Variants in DUSP5 observed in about 807,000 individuals in gnomAD.
The protein encoded by DUSP5 is dual specificity phosphatase 5, also known as dual specificity protein phosphatase 5.
A neutral mutation model predicts 33.6 loss-of-function variants in DUSP5; 22 were observed. The ratio of observed to expected loss-of-function variants is 0.66; its 90% CI spans 0.47 to 0.94. DUSP5 has a LOEUF of 0.94. Among genes scored for constraint, DUSP5 ranks in the 40% least tolerant of loss-of-function variants. The pLI, the probability that DUSP5 is intolerant of heterozygous loss-of-function variation, is 0.00. For synonymous variants in DUSP5, 270 were observed against 231.1 expected (o/e 1.17, Z -1.53); for missense variants, 551 against 522.1 (o/e 1.06, Z -0.54).
chr10:110,510,917 A>C lies in DUSP5; in HGVS notation c.*491A>C, dbSNP rs1042606. ...CTGATCACCGTCTAGTTGGGAAAGT[A>C]ACCCTACAGGGTTTGTAGGGACATG... On this transcript the variant is annotated 3_prime_UTR_variant, in exon 4 of 4. Transcript: ENST00000369583. The C allele has an allele frequency of 0.64, 98,558 of 154,428 alleles. 31,843 individuals carry two copies. The highest frequency in any genetic ancestry group is 0.74 in the South Asian group (3,632 of 4,902). 9.6% of individuals were successfully genotyped at this position (154,428 alleles called of 1,614,324 possible).
At chr10:110,503,777 C>T (rs915240515) in intron 2 of DUSP5, among the ~76,000 whole-genome samples, 1 of 152,240 alleles carries the variant, frequency 6.6e-6, no homozygotes, top group African/African-American at 2.4e-5. Context: ...ATTTCAGGAC[C>T]TTGTTCTGTT....
chr10:110,504,858 A>G (rs112052677), intron 2 of DUSP5, among the ~76,000 whole-genome samples: 1,672 of 152,328 alleles, frequency 0.011, 39 homozygotes, highest in African/African-American at 0.038. Flanking sequence ...CACCTTACCA[A>G]TTATCCAGAG....
Position 110,498,243 on chromosome 10 carries a change from G to A in DUSP5, c.122G>A (p.Gly41Asp), listed in dbSNP as rs1333273484. 1 of 1,505,734 alleles carries A rather than the reference G, an allele frequency of 6.6e-7. No homozygotes were observed. Among genetic ancestry groups the A allele is most frequent in the Non-Finnish European group, 8.9e-7 (1 of 1,125,854 alleles). The allele number at this position is 1,505,734 out of a possible 1,614,324, so 93.3% of individuals were successfully genotyped here. The part of the protein sequence containing the change: ...YLAFAASNVR[G>D]SLNVNLNSVV... ...GCCTTCGCTGCCTCGAACGTGCGCG[G>A]CTCGCTCAACGTCAACCTCAACTCG... Residue 41 changes from glycine to aspartate, a missense_variant, in exon 1 of 4, where the codon GGC (glycine) becomes GAC (aspartate). Transcript: ENST00000369583.
chr10:110,502,694 G>C, intron 1 of DUSP5, 27 bp from the exon 2 acceptor site: 1 of 1,609,624 alleles, frequency 6.2e-7, no homozygotes, highest in South Asian at 1.1e-5. Flanking sequence ...CTTACCATCT[G>C]TCTCACCTTT....
intron 2 of DUSP5, among the ~76,000 whole-genome samples, chr10:110,506,414 G>A (rs917255618): frequency 6.6e-6 from 1 of 152,216 alleles, no homozygotes; most frequent in Admixed American, 6.5e-5. Flanking sequence ...CCTGGGTGAC[G>A]GAGCAAGACT....
chr10:110,504,855 C>G (rs1480843143), intron 2 of DUSP5, among the ~76,000 whole-genome samples: 1 of 152,208 alleles, frequency 6.6e-6, no homozygotes, highest in Non-Finnish European at 1.5e-5. Flanking sequence ...TTACACCTTA[C>G]CAATTATCCA....
chr10:110,501,502 C>T (rs1860048341), intron 1 of DUSP5, among the ~76,000 whole-genome samples: 1 of 152,056 alleles, frequency 6.6e-6, no homozygotes, highest in South Asian at 2.1e-4. Context: ...TGGAGACTGC[C>T]TTGTAATCCA....
intron 2 of DUSP5, among the ~76,000 whole-genome samples, chr10:110,504,489 C>T (rs1860095208): frequency 6.6e-6 from 1 of 152,216 alleles, no homozygotes; most frequent in Non-Finnish European, 1.5e-5. Flanking sequence ...AATTTCCAGG[C>T]ACTCAGGAGA....
intron 3 of DUSP5, among the ~76,000 whole-genome samples, chr10:110,509,223 G>A (rs1248706062): frequency 6.6e-6 from 1 of 152,222 alleles, no homozygotes; most frequent in East Asian, 1.9e-4. Context: ...AGGTAGAACA[G>A]GAAGGGAGGC....
chr10:110,502,962 C>G, intron 2 of DUSP5, 93 bp downstream of exon 2: 1 of 1,513,786 alleles, frequency 6.6e-7, no homozygotes, highest in Non-Finnish European at 9.0e-7. Context: ...TCTCCCCACT[C>G]AGCAATGATG....
At position 110,509,945 on chromosome 10, in the gene DUSP5, G is replaced by A. The variant is rs1387404500; in HGVS notation, c.749-75G>A. The A allele has an allele frequency of 3.3e-6, 5 of 1,515,382 alleles. No individual in the cohort carries two copies. The East Asian group carries it at 9.1e-5, about 27-fold the overall frequency. The allele number at this position is 1,515,382 out of a possible 1,614,324, so 93.9% of individuals were successfully genotyped here. The stretch of plus-strand genomic sequence containing the variant: ...AGTTTCATATCTAGGTTACTCCAGT[G>A]TTTGATTCTTGTGTTTTGCCATTGC... On this transcript the variant is annotated intron_variant, in intron 3 of 3. Coordinates refer to ENST00000369583, the MANE Select transcript of DUSP5 (RefSeq NM_004419.4).
Position 110,507,053 on chromosome 10 carries a change from C to G in DUSP5, c.647C>G (p.Ser216Cys). 3 of 1,614,244 alleles carry G rather than the reference C, an allele frequency of 1.9e-6. No individual in the cohort carries two copies. Among genetic ancestry groups the G allele is most frequent in the Non-Finnish European group, 2.5e-6 (3 of 1,180,054 alleles). ...TALLNVSRRT[S>C]EACATHLHYK... ...CTGCTGAATGTCTCCCGACGGACCTCCGAGGCCTGCGCGACCCACCTACAC... is the reference window on the plus strand; with the variant it reads ...CTGCTGAATGTCTCCCGACGGACCTGCGAGGCCTGCGCGACCCACCTACAC... The change falls in exon 3 of 4, where the codon TCC becomes TGC. Residue 216 changes from serine to cysteine, a missense_variant. By Grantham distance (112) the Ser-to-Cys change is moderately radical (BLOSUM62 -1). Transcript: ENST00000369583.
intron 1 of DUSP5, among the ~76,000 whole-genome samples, chr10:110,501,818 T>G (rs1303019327): frequency 6.6e-6 from 1 of 152,150 alleles, no homozygotes; most frequent in Admixed American, 6.5e-5. Context: ...TCTTCCCCAC[T>G]GAAATGGGCC....
At chr10:110,498,795 GTGCCGGGCACGAGCCCCCT>G (rs1259382012) in intron 1 of DUSP5, among the ~76,000 whole-genome samples, 1 of 152,010 alleles carries the variant, frequency 6.6e-6, no homozygotes, top group Non-Finnish European at 1.5e-5. Context: ...CCGTCGGCTC[GTGCCGGGCACGAGCCCCCT>G]TTCCAGACGC....
At chr10:110,509,642 A>T (rs7090060) in intron 3 of DUSP5, among the ~76,000 whole-genome samples, 2 of 152,204 alleles carry the variant, frequency 1.3e-5, no homozygotes, top group African/African-American at 4.8e-5. Flanking sequence ...GGATTTTCCA[A>T]TGCCCTCTTG....
In DUSP5 at chr10:110,498,369, T is replaced by C. The variant is rs2134654172; in HGVS notation, c.248T>C (p.Val83Ala). ...ARLLQEGGGG[V>A]AAVVVLDQGS... The stretch of plus-strand genomic sequence containing the variant: ...CTCCTGCAGGAGGGCGGCGGCGGCG[T>C]CGCGGCCGTGGTGGTGCTGGACCAG... The change falls in exon 1 of 4, where the codon GTC becomes GCC. Residue 83 changes from valine (V) to alanine (A), a missense_variant. Val to Ala is a moderately conservative substitution (Grantham distance 64, BLOSUM62 0). Around this residue, in one of 3 missense-constraint regions of DUSP5, gnomAD observed 381 missense variants for 310.4 expected, o/e 1.23. Transcript: ENST00000369583. 1.4e-6 allele frequency: 2 copies of C among 1,408,860 alleles called. No homozygotes were observed. The highest frequency in any genetic ancestry group is 1.9e-6 in the Non-Finnish European group (2 of 1,080,704). 87.3% of individuals were successfully genotyped at this position (1,408,860 alleles called of 1,614,324 possible). A position where few individuals can be genotyped will look rare whatever the true frequency, so the allele number is the denominator to read the frequency against.
Position 110,510,748 on chromosome 10 carries a change from TG to T in DUSP5, c.*323del, listed in dbSNP as rs1860182025. 2 of 251,390 alleles carry T rather than the reference TG, an allele frequency of 8.0e-6. No individual in the cohort carries two copies. Among genetic ancestry groups the T allele is most frequent in the African/African-American group, 4.5e-5 (2 of 44,940 alleles). 15.6% of individuals were successfully genotyped at this position (251,390 alleles called of 1,614,324 possible). On this transcript the variant is annotated 3_prime_UTR_variant, in exon 4 of 4. Transcript: ENST00000369583. ...TTTCAAGCATAAGGCAATAAATACC[TG>T]CAGCAACGTGGGAGAAAGAAGTTGC...
intron 3 of DUSP5, among the ~76,000 whole-genome samples, chr10:110,509,115 CTG>C (rs1224975033): frequency 2.6e-5 from 4 of 152,152 alleles, no homozygotes; most frequent in African/African-American, 9.7e-5. Flanking sequence ...ATTGGAAAGA[CTG>C]TATTTTTTGT....
chr10:110,501,392 G>A (rs1860046148), intron 1 of DUSP5, among the ~76,000 whole-genome samples: 1 of 152,164 alleles, frequency 6.6e-6, no homozygotes, highest in Non-Finnish European at 1.5e-5. Context: ...GGAGATCTGG[G>A]TGTACTAAGT....
Sources: allele counts gnomAD v4.1 joint callset (sites outside exome capture counted in the v4.1 genomes callset), GRCh38; gene constraint gnomAD v4.1.1; regional missense constraint gnomAD v4.1.1; transcripts MANE v1.5; gene names NCBI Gene and HGNC (gene_info 2026-07-23, HGNC 2026-07-21).